Variants in BMPR1B observed in about 807,000 individuals in gnomAD.
BMPR1B encodes the protein bone morphogenetic protein receptor type 1B.
A neutral mutation model predicts 59.1 loss-of-function variants in BMPR1B; 12 were observed. The observed-to-expected ratio is 0.20, with a 90% CI of 0.13 to 0.33. The LOEUF is 0.33. Among genes scored for constraint, BMPR1B ranks in the 10% least tolerant of loss-of-function variants. The pLI, the probability that BMPR1B is intolerant of heterozygous loss-of-function variation, is 1.00. For synonymous variants in BMPR1B, 237 were observed against 207.3 expected, an observed-to-expected ratio of 1.14 and a Z score of -1.23; for missense variants, 550 against 610.9, an observed-to-expected ratio of 0.90 and a Z score of 1.05.
intron 10 of BMPR1B, among the ~76,000 whole-genome samples, chr4:95,137,161 C>T (rs548063698): frequency 1.3e-5 from 2 of 152,268 alleles, no homozygotes; most frequent in South Asian, 2.1e-4. Context: ...GCCTTCATTT[C>T]GTTATGTACC....
At chr4:94,795,870 A>G (rs1333322626) in intron 1 of BMPR1B, among the ~76,000 whole-genome samples, 3 of 152,140 alleles carry the variant, frequency 2.0e-5, no homozygotes, top group South Asian at 2.1e-4. Flanking sequence ...TTTGAATTCT[A>G]TATTTGGTAG....
At chr4:94,815,500 C>T (rs1447566888) in intron 1 of BMPR1B, among the ~76,000 whole-genome samples, 1 of 152,126 alleles carries the variant, frequency 6.6e-6, no homozygotes, top group Admixed American at 6.6e-5. Context: ...AAACATCTTA[C>T]CAAATTTCTT....
chr4:94,869,220 A>G (rs1254946035), intron 1 of BMPR1B, among the ~76,000 whole-genome samples: 1 of 152,170 alleles, frequency 6.6e-6, no homozygotes, highest in East Asian at 1.9e-4. Flanking sequence ...CTGAAATGTC[A>G]AAGACAAAAC....
chr4:95,098,293 A>G (rs1730575624), intron 3 of BMPR1B, among the ~76,000 whole-genome samples: 1 of 152,064 alleles, frequency 6.6e-6, no homozygotes, highest in African/African-American at 2.4e-5. Flanking sequence ...TAAAATGATT[A>G]TTTCTATATA....
At chr4:94,904,160 T>G (rs1379985444) in intron 2 of BMPR1B, among the ~76,000 whole-genome samples, 1 of 152,036 alleles carries the variant, frequency 6.6e-6, no homozygotes, top group Non-Finnish European at 1.5e-5. Flanking sequence ...CTTTATATTT[T>G]AAACAATTGG....
intron 3 of BMPR1B, among the ~76,000 whole-genome samples, chr4:95,058,359 G>C (rs772571240): frequency 2.0e-5 from 3 of 152,058 alleles, no homozygotes; most frequent in Non-Finnish European, 2.9e-5. Flanking sequence ...TCTTTGGTTC[G>C]TAGTTTTTTA....
chr4:94,848,275 G>T (rs951244075), intron 1 of BMPR1B, among the ~76,000 whole-genome samples: 3 of 152,150 alleles, frequency 2.0e-5, no homozygotes, highest in African/African-American at 7.2e-5. Context: ...ACTGCTCTAT[G>T]TAATAGTTCT....
At chr4:94,791,793 C>G (rs1722996958) in intron 1 of BMPR1B, among the ~76,000 whole-genome samples, 1 of 152,076 alleles carries the variant, frequency 6.6e-6, no homozygotes, top group Non-Finnish European at 1.5e-5. Flanking sequence ...TAACCTTTCC[C>G]TCTTTCTTCC....
intron 4 of BMPR1B, among the ~76,000 whole-genome samples, chr4:95,109,962 TAA>T (rs1482943265): frequency 6.7e-6 from 1 of 149,590 alleles, no homozygotes; most frequent in Non-Finnish European, 1.5e-5. Context: ...CATTCAGTTA[TAA>T]GAGGCTGTGA....
intron 2 of BMPR1B, among the ~76,000 whole-genome samples, chr4:94,878,971 T>C (rs1726849870): frequency 6.6e-6 from 1 of 152,128 alleles, no homozygotes; most frequent in Non-Finnish European, 1.5e-5. Flanking sequence ...CAGTTTCACA[T>C]TGCATATTCA....
chr4:95,049,053 C>T (rs1726242414), intron 3 of BMPR1B, among the ~76,000 whole-genome samples: 1 of 152,120 alleles, frequency 6.6e-6, no homozygotes, highest in African/African-American at 2.4e-5. Context: ...TGTTTAATCT[C>T]GTTTTCACTC....
chr4:94,847,546 T>A (rs1035969285), intron 1 of BMPR1B, among the ~76,000 whole-genome samples: 1 of 152,180 alleles, frequency 6.6e-6, no homozygotes, highest in Non-Finnish European at 1.5e-5. Flanking sequence ...GAGGTGTCCA[T>A]TACCAGATGA....
At chr4:95,044,671 G>A (rs903038085) in intron 3 of BMPR1B, among the ~76,000 whole-genome samples, 4 of 152,150 alleles carry the variant, frequency 2.6e-5, no homozygotes, top group African/African-American at 9.7e-5. Context: ...AGGGAGAAAG[G>A]GATTGTTTAT....
chr4:94,965,965 T>G (rs139185741), intron 2 of BMPR1B, among the ~76,000 whole-genome samples: 28 of 152,240 alleles, frequency 1.8e-4, no homozygotes, highest in Admixed American at 8.5e-4. Flanking sequence ...GGGAAAGCAT[T>G]AGCCAGGAGA....
Position 95,156,903 on chromosome 4 carries a change from G to GT in BMPR1B, c.*2231dup, listed in dbSNP as rs1735469430. 1 of 152,120 alleles carries GT rather than the reference G, an allele frequency of 6.6e-6. No individual in the cohort carries two copies. Among genetic ancestry groups the GT allele is most frequent in the African/African-American group, 2.4e-5 (1 of 41,446 alleles). The allele number at this position is 152,120 out of a possible 1,614,324, so 9.4% of individuals were successfully genotyped here. On this transcript the variant is annotated 3_prime_UTR_variant, in exon 13 of 13. Transcript: ENST00000515059. ...AAACAGATCATCTACAAAACAACAGGTAAACATTTATGCCAGTTAAGTGGG... is the reference window on the plus strand; with the variant it reads ...AAACAGATCATCTACAAAACAACAGGTTAAACATTTATGCCAGTTAAGTGGG...
At chr4:94,957,945 A>T (rs186141050) in intron 2 of BMPR1B, among the ~76,000 whole-genome samples, 65 of 152,314 alleles carry the variant, frequency 4.3e-4, no homozygotes, top group Non-Finnish European at 7.4e-4. Flanking sequence ...GTTGATTTGT[A>T]GGCCATTATT....
chr4:94,804,706 G>A (rs921100472), intron 1 of BMPR1B, among the ~76,000 whole-genome samples: 5 of 147,216 alleles, frequency 3.4e-5, no homozygotes, highest in African/African-American at 1.3e-4. Context: ...CTGAACACCA[G>A]GTAAAAATCA....
chr4:94,813,318 C>G (rs367674832), intron 1 of BMPR1B, among the ~76,000 whole-genome samples: 47 of 152,194 alleles, frequency 3.1e-4, no homozygotes, highest in African/African-American at 1.1e-3. Context: ...TTAAAAAAAT[C>G]GAGAACGGCC....
Position 95,131,492 on chromosome 4 carries a change from C to T in BMPR1B, c.1056C>T (p.Gly352=). The T allele has an allele frequency of 1.2e-6, 2 of 1,613,990 alleles. No individual in the cohort carries two copies. The highest frequency in any genetic ancestry group is 2.2e-5 in the East Asian group (1 of 44,872). ...GAACTTGCTGTATTGCTGACCTGGG[C>T]CTGGCTGTTAAATTTATTAGGTTAG... ...KNGTCCIADL[G]LAVKFISDTN... Residue 352 remains glycine, a synonymous_variant, in exon 10 of 13, where the codon GGC becomes GGT. Coordinates refer to ENST00000515059, the MANE Select transcript of BMPR1B (RefSeq NM_001203.3).
Sources: allele counts gnomAD v4.1 joint callset (sites outside exome capture counted in the v4.1 genomes callset), GRCh38; gene constraint gnomAD v4.1.1; transcripts MANE v1.5; gene names NCBI Gene and HGNC (gene_info 2026-07-23, HGNC 2026-07-21).